CNTN5: variants seen among roughly 807,000 people sequenced by gnomAD.
CNTN5 encodes contactin-5.
A neutral mutation model predicts 129.1 loss-of-function variants in CNTN5; 77 were observed. The ratio of observed to expected loss-of-function variants is 0.60; its 90% CI spans 0.50 to 0.72. The LOEUF (loss-of-function observed/expected upper bound fraction) is 0.72. Ranked by LOEUF, CNTN5 falls within the 30% of genes least tolerant of loss-of-function variation. CNTN5 has a pLI of 0.00. For synonymous variants in CNTN5, 509 were observed against 465.6 expected (o/e 1.09, Z -1.20); for missense variants, 1,478 against 1,328.8 (o/e 1.11, Z -1.75).
intron 3 of CNTN5, among the ~76,000 whole-genome samples, chr11:99,723,300 G>GA (rs1456474008): frequency 6.6e-5 from 10 of 152,028 alleles, no homozygotes; most frequent in Admixed American, 2.6e-4. Flanking sequence ...CATGGCTGGA[G>GA]AAAAAAATTA....
intron 3 of CNTN5, among the ~76,000 whole-genome samples, chr11:99,629,423 C>T (rs1228172440): frequency 2.0e-5 from 3 of 151,992 alleles, no homozygotes; most frequent in African/African-American, 7.2e-5. Flanking sequence ...CTGGAACAGA[C>T]ATTTTCTCAG....
chr11:99,480,910 G>A (rs969057929), intron 2 of CNTN5, among the ~76,000 whole-genome samples: 9 of 152,038 alleles, frequency 5.9e-5, no homozygotes, highest in Non-Finnish European at 1.2e-4. Flanking sequence ...GATGGTTTTC[G>A]ATTCAATGAG....
At chr11:99,147,526 C>G (rs1859846788) in intron 1 of CNTN5, among the ~76,000 whole-genome samples, 1 of 152,072 alleles carries the variant, frequency 6.6e-6, no homozygotes, top group Non-Finnish European at 1.5e-5. Context: ...CTTTCAGGAG[C>G]AATGGCATGA....
At chr11:99,766,531 A>T (rs1944761421) in intron 3 of CNTN5, among the ~76,000 whole-genome samples, 1 of 152,160 alleles carries the variant, frequency 6.6e-6, no homozygotes, top group Non-Finnish European at 1.5e-5. Flanking sequence ...CTGAAAACTA[A>T]TATAAAGTTC....
At chr11:99,622,604 G>A (rs895593656) in intron 3 of CNTN5, among the ~76,000 whole-genome samples, 3 of 152,174 alleles carry the variant, frequency 2.0e-5, no homozygotes, top group African/African-American at 7.2e-5. Flanking sequence ...TTCAATGAAA[G>A]GAAGATTTAA....
At chr11:100,286,452 AC>A (rs1437458896) in intron 18 of CNTN5, among the ~76,000 whole-genome samples, 1 of 150,808 alleles carries the variant, frequency 6.6e-6, no homozygotes, top group Non-Finnish European at 1.5e-5. Flanking sequence ...CTGACCCCTG[AC>A]CCCCAAGCAG....
intron 9 of CNTN5, among the ~76,000 whole-genome samples, chr11:100,030,923 C>A (rs1941675778): frequency 6.6e-6 from 1 of 152,110 alleles, no homozygotes; most frequent in Non-Finnish European, 1.5e-5. Flanking sequence ...TTCCCAAATA[C>A]AATTTTTTCG....
chr11:99,373,830 A>G (rs891451469), intron 2 of CNTN5, among the ~76,000 whole-genome samples: 1 of 152,024 alleles, frequency 6.6e-6, no homozygotes, highest in Non-Finnish European at 1.5e-5. Flanking sequence ...ATATTTTGTT[A>G]ACATAATAAA....
intron 1 of CNTN5, among the ~76,000 whole-genome samples, chr11:99,292,628 G>C (rs1421606454): frequency 6.6e-6 from 1 of 152,118 alleles, no homozygotes; most frequent in African/African-American, 2.4e-5. Flanking sequence ...TGTGTCTGGA[G>C]AGTCAAGCAA....
chr11:99,895,429 T>A (rs574779869), intron 6 of CNTN5, among the ~76,000 whole-genome samples: 1 of 152,344 alleles, frequency 6.6e-6, no homozygotes, highest in East Asian at 1.9e-4. Context: ...GATGGCTGGC[T>A]AGACCCAGAT....
chr11:99,675,844 C>T (rs1953256818), intron 3 of CNTN5, among the ~76,000 whole-genome samples: 1 of 152,042 alleles, frequency 6.6e-6, no homozygotes, highest in Non-Finnish European at 1.5e-5. Context: ...GTTGTGTTAC[C>T]TTAGTATATC....
chr11:99,561,132 T>C (rs943250040), intron 3 of CNTN5, among the ~76,000 whole-genome samples: 1 of 152,060 alleles, frequency 6.6e-6, no homozygotes, highest in Admixed American at 6.6e-5. Context: ...TATAAATCAT[T>C]CTAGAGTATC....
At chr11:100,193,958 G>A (rs1948568845) in intron 15 of CNTN5, among the ~76,000 whole-genome samples, 1 of 151,682 alleles carries the variant, frequency 6.6e-6, no homozygotes, top group African/African-American at 2.4e-5. Flanking sequence ...TACATAAAGT[G>A]GCAATTCATT....
At chr11:99,281,053 C>A (rs941974695) in intron 1 of CNTN5, among the ~76,000 whole-genome samples, 1 of 151,578 alleles carries the variant, frequency 6.6e-6, no homozygotes, top group African/African-American at 2.4e-5. Context: ...CCAAGGATTA[C>A]AATTACTAAA....
intron 13 of CNTN5, among the ~76,000 whole-genome samples, chr11:100,126,859 G>A (rs1036951591): frequency 5.3e-5 from 8 of 151,916 alleles, no homozygotes; most frequent in African/African-American, 1.9e-4. Context: ...TCTATTCTAT[G>A]GTTGCTTTAT....
At chr11:99,614,017 A>G (rs897245330) in intron 3 of CNTN5, among the ~76,000 whole-genome samples, 1 of 152,206 alleles carries the variant, frequency 6.6e-6, no homozygotes, top group African/African-American at 2.4e-5. Context: ...ATAGCTATAT[A>G]GCATGTGAAT....
At chr11:99,390,136 T>TG (rs1941180624) in intron 2 of CNTN5, among the ~76,000 whole-genome samples, 1 of 151,714 alleles carries the variant, frequency 6.6e-6, no homozygotes, top group Non-Finnish European at 1.5e-5. Flanking sequence ...TAAGCCTTTT[T>TG]TTTTTGTCAG....
chr11:99,031,041 C>T (rs1021863141), intron 1 of CNTN5, among the ~76,000 whole-genome samples: 6 of 151,516 alleles, frequency 4.0e-5, no homozygotes, highest in Non-Finnish European at 8.8e-5. Flanking sequence ...TCGTGATCCG[C>T]CCGTCTCGGC....
At chr11:99,255,239 T>G in intron 1 of CNTN5, among the ~76,000 whole-genome samples, 1 of 151,874 alleles carries the variant, frequency 6.6e-6, no homozygotes, top group Admixed American at 6.6e-5. Flanking sequence ...TGATTATTTT[T>G]AAAATATATC....
Sources: allele counts gnomAD v4.1 joint callset (sites outside exome capture counted in the v4.1 genomes callset), GRCh38; gene constraint gnomAD v4.1.1; transcripts MANE v1.5; gene names NCBI Gene and HGNC (gene_info 2026-07-23, HGNC 2026-07-21).